Variants in LRRC17 observed in about 807,000 individuals in gnomAD.
LRRC17 encodes leucine rich repeat containing 17.
A neutral mutation model predicts 41.5 loss-of-function variants in LRRC17; 33 were observed. The ratio of observed to expected loss-of-function variants is 0.80; its 90% CI spans 0.60 to 1.06. The LOEUF is 1.06. Among genes scored for constraint, LRRC17 ranks in the 50% least tolerant of loss-of-function variants. The pLI, the probability that LRRC17 is intolerant of heterozygous loss-of-function variation, is 0.00. For missense variants in LRRC17, 491 were observed against 519.3 expected, an observed-to-expected ratio of 0.95 and a Z score of 0.53; for synonymous variants, 192 against 197.0, an observed-to-expected ratio of 0.97 and a Z score of 0.21.
intron 1 of LRRC17, 64 bp downstream of exon 1, chr7:102,913,209 G>C: frequency 1.9e-6 from 3 of 1,614,132 alleles, no homozygotes; most frequent in Non-Finnish European, 1.7e-6. Context: ...GTAAGTTGTG[G>C]AAGTGCCTGA....
chr7:102,944,633 A>C lies in LRRC17; in HGVS notation c.*26A>C. The C allele has an allele frequency of 6.4e-7, 1 of 1,553,104 alleles. No homozygotes were observed. Among genetic ancestry groups the C allele is most frequent in the Non-Finnish European group, 8.7e-7 (1 of 1,154,854 alleles). ...GGTAGAAATTGTTCTGATTGTAATT[A>C]GTTTTGTATTTTCTATACTGGTGTT... On this transcript the variant is annotated 3_prime_UTR_variant, in exon 4 of 4. Transcript: ENST00000339431.
At chr7:102,924,816 A>AT (rs1331878001) in intron 1 of LRRC17, among the ~76,000 whole-genome samples, 1 of 151,094 alleles carries the variant, frequency 6.6e-6, no homozygotes, top group Admixed American at 6.6e-5. Context: ...AATTTTTTCT[A>AT]TTTTTTAGTA....
At chr7:102,926,162 A>C (rs983176964) in intron 1 of LRRC17, 1 of 791,024 alleles carries the variant, frequency 1.3e-6, no homozygotes, top group Non-Finnish European at 2.0e-6. Context: ...AAGCAGTGCC[A>C]CAGTGGTGGG....
chr7:102,926,167 G>C (rs1210372740), intron 1 of LRRC17: 3 of 826,586 alleles, frequency 3.6e-6, no homozygotes, highest in Non-Finnish European at 3.8e-6. Context: ...GTGCCACAGT[G>C]GTGGGGTGTT....
Position 102,944,569 on chromosome 7 carries a change from G to T in LRRC17, c.1288G>T (p.Ala430Ser), listed in dbSNP as rs764007775. The change falls in exon 4 of 4, where the codon GCA becomes TCA. Residue 430 changes from alanine (A) to serine (S), a missense_variant. Transcript: ENST00000339431. ...EWEKKHRDHT[A>S]KKQSVIITIV... ...GGAAAAAAAACATAGAGATCACACC[G>T]CAAAGAAGCAAAGCGTAATAATTAC... is the stretch of plus-strand genomic sequence containing the variant. 6.2e-7 allele frequency: 1 copy of T among 1,610,138 alleles called. No homozygotes were observed. The highest frequency in any genetic ancestry group is 8.5e-7 in the Non-Finnish European group (1 of 1,179,012).
At chr7:102,926,926 G>A (rs1300066456) in intron 1 of LRRC17, among the ~76,000 whole-genome samples, 1 of 152,152 alleles carries the variant, frequency 6.6e-6, no homozygotes, top group Admixed American at 6.5e-5. Flanking sequence ...TTTATGGTAA[G>A]TTTGAGATGG....
In LRRC17 at chr7:102,930,971, C is replaced by T. The variant is rs531698559; in HGVS notation, c.-140-2803C>T. Among the ~76,000 whole-genome samples, 6 of 152,278 alleles carry T rather than the reference C, an allele frequency of 3.9e-5. No homozygotes were observed. The East Asian group carries it at 1.2e-3, about 29-fold the overall frequency. On this transcript the variant is annotated intron_variant, in intron 1 of 3. Transcript: ENST00000339431. ...CAAAGAACAAGACACATCTCCTGCC[C>T]TTTGGGTCTCTTAGGCTAGTGAAGG...
At chr7:102,914,871 G>A (rs1400841383) in intron 1 of LRRC17, among the ~76,000 whole-genome samples, 1 of 152,130 alleles carries the variant, frequency 6.6e-6, no homozygotes, top group Non-Finnish European at 1.5e-5. Context: ...TCTCCCTGGG[G>A]TACACCCTGT....
rs375708846 is a variant in LRRC17 at position 102,944,200 on chromosome 7, C to T, written c.929-10C>T. 2.5e-6 allele frequency: 4 copies of T among 1,586,754 alleles called. No individual in the cohort carries two copies. The African/African-American group carries it at 5.4e-5, about 22-fold the overall frequency. On this transcript the variant is annotated splice_polypyrimidine_tract_variant and intron_variant, in intron 3 of 3. Transcript: ENST00000339431. ...ATTACTCAGGCTCAATAAATATTTT[C>T]TGTTTCCAGCCGCTTTTTTAGGGCT...
intron 1 of LRRC17, among the ~76,000 whole-genome samples, chr7:102,929,473 C>T (rs1442535784): frequency 6.6e-6 from 1 of 151,822 alleles, no homozygotes; most frequent in Admixed American, 6.6e-5. Context: ...ACCAGCCTGT[C>T]CAACATGGTG....
At chr7:102,919,357 GAA>G (rs1221932553) in intron 1 of LRRC17, among the ~76,000 whole-genome samples, 1 of 151,984 alleles carries the variant, frequency 6.6e-6, no homozygotes, top group African/African-American at 2.4e-5. Context: ...TGAAGGACAG[GAA>G]TAAAATCGGA....
chr7:102,920,981 G>A (rs1816863982), intron 1 of LRRC17, among the ~76,000 whole-genome samples: 1 of 152,052 alleles, frequency 6.6e-6, no homozygotes, highest in Admixed American at 6.5e-5. Flanking sequence ...ATGAAACCCT[G>A]TCGCTACTAA....
intron 1 of LRRC17, among the ~76,000 whole-genome samples, chr7:102,918,905 C>T (rs902505641): frequency 3.3e-5 from 5 of 152,140 alleles, no homozygotes; most frequent in African/African-American, 1.2e-4. Flanking sequence ...TATATATACA[C>T]ATACACACAT....
chr7:102,915,156 G>A (rs894423352), intron 1 of LRRC17, among the ~76,000 whole-genome samples: 6 of 143,724 alleles, frequency 4.2e-5, no homozygotes, highest in Non-Finnish European at 7.5e-5. Context: ...CTGATCAACT[G>A]TGGGGCCTCC....
At chr7:102,925,047 A>G (rs1368217907) in intron 1 of LRRC17, among the ~76,000 whole-genome samples, 1 of 152,202 alleles carries the variant, frequency 6.6e-6, no homozygotes, top group African/African-American at 2.4e-5. Context: ...CCCAAAGTCA[A>G]ATTTGAATCT....
chr7:102,939,039 C>A (rs1480348617), intron 2 of LRRC17, among the ~76,000 whole-genome samples: 2 of 152,196 alleles, frequency 1.3e-5, no homozygotes, highest in Admixed American at 1.3e-4. Context: ...CTTTAGCTTG[C>A]CCTAAAATGG....
intron 1 of LRRC17, 103 bp downstream of exon 1, chr7:102,913,248 A>G (rs1815123565): frequency 6.2e-7 from 1 of 1,612,908 alleles, no homozygotes; most frequent in East Asian, 2.2e-5. Context: ...GGAAAGTATT[A>G]TACTTCCGTT....
intron 2 of LRRC17, among the ~76,000 whole-genome samples, chr7:102,938,967 G>A (rs1026917210): frequency 1.1e-4 from 17 of 152,260 alleles, no homozygotes; most frequent in Non-Finnish European, 2.1e-4. Context: ...ACATTGCCTA[G>A]GCCTAGTGTC....
intron 1 of LRRC17, among the ~76,000 whole-genome samples, chr7:102,913,546 T>C (rs1283543711): frequency 6.6e-6 from 1 of 152,186 alleles, no homozygotes; most frequent in African/African-American, 2.4e-5. Context: ...TGTTTGGAAG[T>C]GAAACCAAAT....
Sources: allele counts gnomAD v4.1 joint callset (sites outside exome capture counted in the v4.1 genomes callset), GRCh38; gene constraint gnomAD v4.1.1; transcripts MANE v1.5; gene names NCBI Gene and HGNC (gene_info 2026-07-23, HGNC 2026-07-21).